Variants in LOC128125817 observed in about 807,000 individuals in gnomAD.
At chr1:41,620,429 T>C in the LOC128125817 span, among the ~76,000 whole-genome samples, 1 of 152,140 alleles carries the variant, frequency 6.6e-6, no homozygotes, top group Non-Finnish European at 1.5e-5. Flanking sequence ...CCTTTTCTGA[T>C]CCTCCTGTCC....
At chr1:41,608,872 G>A in the LOC128125817 span, among the ~76,000 whole-genome samples, 5 of 148,610 alleles carry the variant, frequency 3.4e-5, no homozygotes, top group African/African-American at 1.3e-4. Flanking sequence ...AGGAGTTTGG[G>A]ACCAGCCTGA....
the LOC128125817 span, among the ~76,000 whole-genome samples, chr1:41,622,471 G>T: frequency 6.6e-6 from 1 of 152,176 alleles, no homozygotes; most frequent in East Asian, 1.9e-4. Context: ...TCATCCTGTA[G>T]GTCAAGGGTT....
At chr1:41,625,162 C>CAA in the LOC128125817 span, among the ~76,000 whole-genome samples, 33 of 71,278 alleles carry the variant, frequency 4.6e-4, no homozygotes, top group Non-Finnish European at 5.5e-4. Context: ...GATTCCAACT[C>CAA]AAAAAAAAAA....
chr1:41,612,720 G>A, the LOC128125817 span, among the ~76,000 whole-genome samples: 1 of 152,276 alleles, frequency 6.6e-6, no homozygotes, highest in Admixed American at 6.5e-5. Context: ...CTGAACTCAG[G>A]GGACCAGGAG....
the LOC128125817 span, among the ~76,000 whole-genome samples, chr1:41,592,664 G>GGCT: frequency 6.6e-6 from 1 of 152,204 alleles, no homozygotes; most frequent in African/African-American, 2.4e-5. Context: ...CTGGGGGAAG[G>GGCT]GCTGGGGAAG....
the LOC128125817 span, among the ~76,000 whole-genome samples, chr1:41,615,272 T>C: frequency 6.6e-6 from 1 of 152,232 alleles, no homozygotes; most frequent in Non-Finnish European, 1.5e-5. Flanking sequence ...ACTTCCAGCA[T>C]GTTCTCCCAA....
chr1:41,587,716 G>C, the LOC128125817 span, among the ~76,000 whole-genome samples: 1 of 152,156 alleles, frequency 6.6e-6, no homozygotes, highest in African/African-American at 2.4e-5. Context: ...GAGACTGAAG[G>C]CTAGAAAGGT....
At chr1:41,624,745 T>G in the LOC128125817 span, among the ~76,000 whole-genome samples, 3 of 152,216 alleles carry the variant, frequency 2.0e-5, no homozygotes, top group African/African-American at 7.2e-5. Context: ...TTGTCACTGA[T>G]GCAAACCAGA....
the LOC128125817 span, among the ~76,000 whole-genome samples, chr1:41,622,482 G>A: frequency 6.6e-6 from 1 of 152,176 alleles, no homozygotes; most frequent in Admixed American, 6.5e-5. Context: ...GTCAAGGGTT[G>A]GCAAATCCAG....
the LOC128125817 span, among the ~76,000 whole-genome samples, chr1:41,622,851 C>T: frequency 6.6e-6 from 1 of 152,204 alleles, no homozygotes; most frequent in Non-Finnish European, 1.5e-5. Flanking sequence ...AACAACATTG[C>T]TGTTTTTTAT....
At chr1:41,614,291 C>CG in the LOC128125817 span, among the ~76,000 whole-genome samples, 2 of 152,204 alleles carry the variant, frequency 1.3e-5, no homozygotes, top group Non-Finnish European at 2.9e-5. Flanking sequence ...GGGCCACCAG[C>CG]CCTGAGTCTA....
At chr1:41,610,800 T>C in the LOC128125817 span, among the ~76,000 whole-genome samples, 2 of 152,218 alleles carry the variant, frequency 1.3e-5, no homozygotes, top group Non-Finnish European at 2.9e-5. Context: ...TCTTCCTTTT[T>C]TGACAACATC....
At chr1:41,608,347 CCTT>C in the LOC128125817 span, among the ~76,000 whole-genome samples, 105 of 152,328 alleles carry the variant, frequency 6.9e-4, 1 homozygote, top group South Asian at 0.021. Flanking sequence ...AGCTGCCAAT[CCTT>C]CTTCTGGCTC....
At chr1:41,626,679 C>T in the LOC128125817 span, among the ~76,000 whole-genome samples, 1 of 152,108 alleles carries the variant, frequency 6.6e-6, no homozygotes. Context: ...TCATGAGACC[C>T]CTAAATGGCT....
At chr1:41,597,749 C>T in the LOC128125817 span, among the ~76,000 whole-genome samples, 1 of 152,198 alleles carries the variant, frequency 6.6e-6, no homozygotes, top group East Asian at 1.9e-4. Flanking sequence ...GCCTTCCTTT[C>T]CTTCATAAGG....
chr1:41,594,677 A>G, the LOC128125817 span, among the ~76,000 whole-genome samples: 1 of 152,104 alleles, frequency 6.6e-6, no homozygotes, highest in Non-Finnish European at 1.5e-5. Context: ...TAGGTTGCAG[A>G]TATCTTCTCT....
the LOC128125817 span, among the ~76,000 whole-genome samples, chr1:41,599,067 T>C: frequency 6.6e-6 from 1 of 152,184 alleles, no homozygotes; most frequent in Non-Finnish European, 1.5e-5. Flanking sequence ...TCCACCCACC[T>C]TGGCCTCCCA....
chr1:41,590,813 G>A, the LOC128125817 span, among the ~76,000 whole-genome samples: 6 of 152,110 alleles, frequency 3.9e-5, no homozygotes, highest in Admixed American at 1.3e-4. Flanking sequence ...AGCAAGGTAA[G>A]CATCCAGCCA....
chr1:41,593,014 G>T, the LOC128125817 span, among the ~76,000 whole-genome samples: 2 of 152,098 alleles, frequency 1.3e-5, no homozygotes, highest in Admixed American at 6.5e-5. Flanking sequence ...CCCCAAATCT[G>T]GTTGTTTCTG....
Sources: allele counts gnomAD v4.1 joint callset (sites outside exome capture counted in the v4.1 genomes callset), GRCh38; gene constraint gnomAD v4.1.1; transcripts MANE v1.5.